LCK: variants seen among roughly 807,000 people sequenced by gnomAD.
LCK encodes LCK proto-oncogene, Src family tyrosine kinase.
In LCK, 14 loss-of-function variants were observed where a neutral mutation model predicts 64.6. The observed-to-expected ratio is 0.22, with a 90% CI of 0.14 to 0.34. The LOEUF is 0.34. Among genes scored for constraint, LCK ranks in the 10% least tolerant of loss-of-function variants. The pLI is 1.00. For missense variants in LCK, 434 were observed against 668.1 expected (o/e 0.65, Z 3.86); for synonymous variants, 277 against 263.6 (o/e 1.05, Z -0.49).
chr1:32,272,009 A>AT (rs1300389517), intron 1 of LCK, among the ~76,000 whole-genome samples: 2 of 152,048 alleles, frequency 1.3e-5, no homozygotes, highest in African/African-American at 4.8e-5. Context: ...ACTAGGTGAT[A>AT]TTTAGGCCAG....
At chr1:32,259,301 AAGAAAAAG>A (rs1639707234) in intron 1 of LCK, among the ~76,000 whole-genome samples, 1 of 37,760 alleles carries the variant, frequency 2.6e-5, no homozygotes, top group Non-Finnish European at 6.1e-5. Context: ...AAAAAAAAAA[AAGAAAAAG>A]AAAAAGAAAA....
In LCK at chr1:32,275,249, T is replaced by C. The variant is rs967998211; in HGVS notation, c.279-72T>C. On this transcript the variant is annotated intron_variant, in intron 4 of 12. Transcript: ENST00000336890. The surrounding 1 kb of genome is among the most constrained non-coding windows in gnomAD (Gnocchi z 6.9). The stretch of plus-strand genomic sequence containing the variant: ...GGTTGGGGGAGGCTGGCTTAAGGGG[T>C]GGAGGGGTCTTTGAGGGAGGGTCTC... 2.3e-5 allele frequency: 35 copies of C among 1,533,276 alleles called. No homozygotes were observed. Among genetic ancestry groups the C allele is most frequent in the Non-Finnish European group, 2.6e-5 (29 of 1,108,790 alleles). 95.0% of individuals were successfully genotyped at this position (1,533,276 alleles called of 1,614,324 possible). A position where few individuals can be genotyped will look rare whatever the true frequency, so the allele number is the denominator to read the frequency against.
At chr1:32,256,149 G>T (rs915950272) in intron 1 of LCK, among the ~76,000 whole-genome samples, 4 of 151,710 alleles carry the variant, frequency 2.6e-5, no homozygotes, top group Admixed American at 6.6e-5. Flanking sequence ...TATTTATTTA[G>T]TTATTTATAG....
chr1:32,260,654 G>C (rs985425165), intron 1 of LCK, among the ~76,000 whole-genome samples: 1 of 152,068 alleles, frequency 6.6e-6, no homozygotes, highest in Admixed American at 6.6e-5. Context: ...AGAGGTTCTT[G>C]CTCTTTCCCC....
chr1:32,280,263 C>T, intron 12 of LCK, 53 bp downstream of exon 12: 1 of 1,603,556 alleles, frequency 6.2e-7, no homozygotes, highest in Non-Finnish European at 8.5e-7. Context: ...AAGTCCATGT[C>T]TTCCCATTCA....
chr1:32,271,175 AT>A (rs1230906539), intron 1 of LCK, among the ~76,000 whole-genome samples: 1 of 150,106 alleles, frequency 6.7e-6, no homozygotes, highest in African/African-American at 2.5e-5. Context: ...TAATTTTTTG[AT>A]TTTTTTTCTA....
In LCK at chr1:32,274,755, T is replaced by C; in HGVS notation, c.124T>C (p.Ser42Pro). 6.3e-7 allele frequency: 1 copy of C among 1,599,218 alleles called. No homozygotes were observed. Among genetic ancestry groups the C allele is most frequent in the Non-Finnish European group, 8.5e-7 (1 of 1,171,084 alleles). Residue 42 changes from serine to proline, a missense_variant, in exon 3 of 13, where the codon TCT becomes CCT. Physicochemically the swap from Ser to Pro is moderately conservative, Grantham distance 74. This residue lies in a region of LCK where 233 missense variants were observed against 291.2 expected (regional missense o/e 0.80). Coordinates refer to ENST00000336890, the MANE Select transcript of LCK (RefSeq NM_005356.5). Reference sequence around the variant, plus strand: ...TCCACAGCTGCTCATCCGAAATGGCTCTGAGGTGCGGGACCCACTGGTTAC... The same window carrying C: ...TCCACAGCTGCTCATCCGAAATGGCCCTGAGGTGCGGGACCCACTGGTTAC... ...GKGTLLIRNG[S>P]EVRDPLVTYE...
chr1:32,282,737 C>T (rs538436573), intron 12 of LCK, among the ~76,000 whole-genome samples: 3 of 151,894 alleles, frequency 2.0e-5, no homozygotes, highest in South Asian at 2.1e-4. Context: ...ACCCTGGAGG[C>T]GGAAGTTGCA....
chr1:32,273,907 A>G (rs912467503), intron 1 of LCK, among the ~76,000 whole-genome samples: 1 of 152,068 alleles, frequency 6.6e-6, no homozygotes, highest in African/African-American at 2.4e-5. Context: ...ACACCTCTCC[A>G]GTAGGGGAGG....
Position 32,276,172 on chromosome 1 carries a change from G to A in LCK, c.631+109G>A. On this transcript the variant is annotated intron_variant, in intron 7 of 12. Coordinates refer to ENST00000336890, the MANE Select transcript of LCK (RefSeq NM_005356.5). The surrounding 1 kb of genome is among the most constrained non-coding windows in gnomAD (Gnocchi z 4.6). ...ATGCCCTACTCCATTCCCCGCAGTGGGTGAGGTGTGGAACCTGACCCTACG... is the reference window on the plus strand; with the variant it reads ...ATGCCCTACTCCATTCCCCGCAGTGAGTGAGGTGTGGAACCTGACCCTACG... 6.8e-7 allele frequency: 1 copy of A among 1,474,820 alleles called. No homozygotes were observed. The highest frequency in any genetic ancestry group is 2.3e-5 in the East Asian group (1 of 43,346). The allele number at this position is 1,474,820 out of a possible 1,614,324, so 91.4% of individuals were successfully genotyped here.
chr1:32,274,305 C>G lies in LCK; in HGVS notation c.-5-20C>G. The G allele has an allele frequency of 6.2e-7, 1 of 1,613,970 alleles. No homozygotes were observed. The highest frequency in any genetic ancestry group is 2.2e-5 in the East Asian group (1 of 44,878). On this transcript the variant is annotated intron_variant, in intron 1 of 12. Coordinates refer to ENST00000336890, the MANE Select transcript of LCK (RefSeq NM_005356.5). The stretch of plus-strand genomic sequence containing the variant: ...CAGATCTTGGGGGAGCCCCTTCAGC[C>G]CCCTCTTCCATTCCCTCAGGGACCA...
chr1:32,280,336 T>C, intron 12 of LCK, 126 bp downstream of exon 12: 1 of 1,249,662 alleles, frequency 8.0e-7, no homozygotes, highest in Non-Finnish European at 1.1e-6. Flanking sequence ...CTCAGGGGTA[T>C]GAGTCCAACG....
At chr1:32,266,470 C>A (rs1165266935) in intron 1 of LCK, among the ~76,000 whole-genome samples, 1 of 147,360 alleles carries the variant, frequency 6.8e-6, no homozygotes, top group African/African-American at 2.5e-5. Context: ...CCACTGCACT[C>A]CAGCCTGGGC....
chr1:32,276,923 T>C lies in LCK; in HGVS notation c.964+137T>C. The C allele has an allele frequency of 4.3e-6, 4 of 928,576 alleles. No homozygotes were observed. In the East Asian group the frequency reaches 1.2e-4, roughly 28 times the overall value. 57.5% of individuals were successfully genotyped at this position (928,576 alleles called of 1,614,324 possible). A position where few individuals can be genotyped will look rare whatever the true frequency, so the allele number is the denominator to read the frequency against. ...TTGAGCTTTCCTGCCCCCTGGAGAC[T>C]CACCTCCAGCCGGGCGCGGTGGCTC... is the stretch of plus-strand genomic sequence containing the variant. On this transcript the variant is annotated intron_variant, in intron 9 of 12. Transcript: ENST00000336890. This position sits in a 1 kb window ranked among gnomAD's most constrained non-coding sequence, Gnocchi z 4.6.
intron 1 of LCK, among the ~76,000 whole-genome samples, chr1:32,272,652 AGAGAGCG>A (rs1306734451): frequency 6.8e-6 from 1 of 148,068 alleles, no homozygotes; most frequent in African/African-American, 2.7e-5. Context: ...AGAGAGAGCG[AGAGAGCG>A]CACGCATTTC....
chr1:32,276,769 C>G lies in LCK; in HGVS notation c.947C>G (p.Thr316Ser), dbSNP rs1439083588. 2 of 1,608,320 alleles carry G rather than the reference C, an allele frequency of 1.2e-6. No homozygotes were observed. Among genetic ancestry groups the G allele is most frequent in the Non-Finnish European group, 1.7e-6 (2 of 1,176,190 alleles). Residue 316 changes from threonine to serine, a missense_variant, in exon 9 of 13, where the codon ACT (threonine) becomes AGT (serine). Around this residue, in one of 2 missense-constraint regions of LCK, gnomAD observed 201 missense variants for 376.9 expected, o/e 0.53. Coordinates refer to ENST00000336890, the MANE Select transcript of LCK (RefSeq NM_005356.5). The surrounding 1 kb of genome is among the most constrained non-coding windows in gnomAD (Gnocchi z 4.6). ...VVTQEPIYII[T>S]EYMENGSLVD... ...ACCCAGGAGCCCATCTACATCATCA[C>G]TGAATACATGGAGAATGGTGGGTGC...
chr1:32,275,456 G>C lies in LCK; in HGVS notation c.377+37G>C. On this transcript the variant is annotated intron_variant, in intron 5 of 12. Transcript: ENST00000336890. This position sits in a 1 kb window ranked among gnomAD's most constrained non-coding sequence, Gnocchi z 6.9. ...CCCGTCGTGGGGGTGGGTAGGAGCA[G>C]ATCTAGGGATCCTGGAGCAGGGAGT... The C allele has an allele frequency of 6.2e-7, 1 of 1,603,676 alleles. No homozygotes were observed. The highest frequency in any genetic ancestry group is 8.5e-7 in the Non-Finnish European group (1 of 1,171,952).
rs1172974601 is a variant in LCK, at chr1:32,262,437, T to C, written c.-6+11066T>C. On this transcript the variant is annotated intron_variant, in intron 1 of 12. Transcript: ENST00000336890. ...AATCTCTTTTTCTTTTCTTTTTTTTTTTTTTGATGGAGTCTAGTTCTGTCA... is the reference window on the plus strand; with the variant it reads ...AATCTCTTTTTCTTTTCTTTTTTTTCTTTTTGATGGAGTCTAGTTCTGTCA... 6.7e-5 allele frequency among the ~76,000 whole-genome samples: 10 copies of C among 150,260 alleles called. No individual in the cohort carries two copies. In the East Asian group the frequency reaches 2.0e-3, roughly 31 times the overall value.
chr1:32,279,531 A>C (rs762101380), intron 9 of LCK, 140 bp from the exon 10 acceptor site: 1 of 1,541,976 alleles, frequency 6.5e-7, no homozygotes, highest in East Asian at 2.3e-5. Context: ...CCTTACCCTG[A>C]ACACACACTC....
Sources: gnomAD v4.1 joint callset for allele counts (sites outside exome capture counted in the v4.1 genomes callset) on GRCh38, gnomAD v4.1.1 for gene constraint, gnomAD v4.1.1 regional missense constraint, Gnocchi (gnomAD v3.1) non-coding constraint, MANE v1.5 for transcripts, NCBI Gene and HGNC (gene_info 2026-07-23, HGNC 2026-07-21) for gene names.